Variants in BTC observed in about 807,000 individuals in gnomAD.
BTC encodes the protein betacellulin, also known as probetacellulin.
Under a neutral mutation model 18.1 loss-of-function variants are expected in BTC, and 13 were observed. The observed-to-expected ratio is 0.72, with a 90% confidence interval of 0.47 to 1.14. The LOEUF (loss-of-function observed/expected upper bound fraction) is 1.14, where lower values mean the gene tolerates loss of function less well. BTC is among the 50% of genes most tolerant of loss of function. BTC has a pLI of 0.00. For synonymous variants in BTC, 83 were observed against 79.4 expected, an observed-to-expected ratio of 1.05 and a Z score of -0.24; for missense variants, 247 against 224.2, an observed-to-expected ratio of 1.10 and a Z score of -0.65.
At chr4:74,766,431 C>T (rs1300546509) in intron 2 of BTC, among the ~76,000 whole-genome samples, 3 of 151,986 alleles carry the variant, frequency 2.0e-5, no homozygotes, top group Non-Finnish European at 4.4e-5. Context: ...ATTCTATAAG[C>T]TTTTTCTATT....
intron 3 of BTC, among the ~76,000 whole-genome samples, chr4:74,755,033 G>A (rs530743629): frequency 6.6e-5 from 10 of 150,832 alleles, no homozygotes; most frequent in East Asian, 3.9e-4. Flanking sequence ...TATTATCCAC[G>A]CATATTTCCT....
intron 1 of BTC, among the ~76,000 whole-genome samples, chr4:74,772,216 A>G (rs1197737714): frequency 1.3e-5 from 2 of 152,280 alleles, no homozygotes; most frequent in South Asian, 4.1e-4. Context: ...GTACTTTCTA[A>G]TATTTCTAAA....
chr4:74,776,303 C>A (rs1463086590), intron 1 of BTC, among the ~76,000 whole-genome samples: 1 of 152,062 alleles, frequency 6.6e-6, no homozygotes, highest in East Asian at 1.9e-4. Flanking sequence ...ATTATCCATA[C>A]CTCCCTGTTT....
chr4:74,759,594 T>C (rs1287219687), intron 2 of BTC, among the ~76,000 whole-genome samples: 1 of 151,742 alleles, frequency 6.6e-6, no homozygotes, highest in Non-Finnish European at 1.5e-5. Context: ...AAAATAAATG[T>C]CACTTTAATG....
chr4:74,778,398 T>C (rs1725233369), intron 1 of BTC, among the ~76,000 whole-genome samples: 1 of 152,048 alleles, frequency 6.6e-6, no homozygotes, highest in African/African-American at 2.4e-5. Context: ...ACCACTTTAT[T>C]TGAGAGTTAC....
intron 2 of BTC, among the ~76,000 whole-genome samples, chr4:74,760,502 G>T (rs1724723900): frequency 6.6e-6 from 1 of 152,108 alleles, no homozygotes; most frequent in East Asian, 1.9e-4. Context: ...TTTTTATCTT[G>T]CCAGCTATCT....
At chr4:74,790,752 G>C (rs1046107332) in intron 1 of BTC, among the ~76,000 whole-genome samples, 1 of 152,106 alleles carries the variant, frequency 6.6e-6, no homozygotes, top group Non-Finnish European at 1.5e-5. Flanking sequence ...TAAAGCACCT[G>C]GTCTGACCAA....
At position 74,748,071 on chromosome 4, in the gene BTC, A is replaced by T; in HGVS notation, c.507T>A (p.Asn169Lys). ...CAATATTTGTCTCTTCAATATCTTCATTGATAGGAGTTATATCTTTACCCA... is the reference window on the plus strand; with the variant it reads ...CAATATTTGTCTCTTCAATATCTTCTTTGATAGGAGTTATATCTTTACCCA... The part of the protein sequence containing the change: ...ETLGKDITPI[N>K]EDIEETNIA Residue 169 changes from asparagine (N) to lysine (K), a missense_variant, in exon 5 of 6, where the codon AAT becomes AAA. Coordinates refer to ENST00000395743, the MANE Select transcript of BTC (RefSeq NM_001729.4). 6.2e-7 allele frequency: 1 copy of T among 1,603,838 alleles called. No individual in the cohort carries two copies. The highest frequency in any genetic ancestry group is 8.5e-7 in the Non-Finnish European group (1 of 1,173,544).
At chr4:74,778,125 C>A (rs374349400) in intron 1 of BTC, among the ~76,000 whole-genome samples, 1 of 152,048 alleles carries the variant, frequency 6.6e-6, no homozygotes, top group Non-Finnish European at 1.5e-5. Flanking sequence ...AATGTTACAG[C>A]GTTCTCCTTT....
intron 2 of BTC, among the ~76,000 whole-genome samples, chr4:74,767,359 G>A (rs756444287): frequency 1.1e-4 from 17 of 151,790 alleles, no homozygotes; most frequent in Middle Eastern, 3.4e-3. Flanking sequence ...AATAAAACAC[G>A]TAGGAATAAA....
Position 74,769,388 on chromosome 4 carries a change from AAGTTT to A in BTC, c.163+665_163+669del, listed in dbSNP as rs1386492584. Among the ~76,000 whole-genome samples, 3 of 152,120 alleles carry A rather than the reference AAGTTT, an allele frequency of 2.0e-5. No homozygotes were observed. In the East Asian group the frequency reaches 5.8e-4, roughly 29 times the overall value. On this transcript the variant is annotated intron_variant, in intron 2 of 5. Transcript: ENST00000395743. ...GGCCCACAGCCTGTTTCTCTAACTA[AAGTTT>A]TACTGAAACAGAGCCAAGCCTATTC...
chr4:74,781,398 T>TGTGTGTGC, intron 1 of BTC, among the ~76,000 whole-genome samples: 1 of 151,786 alleles, frequency 6.6e-6, no homozygotes, highest in African/African-American at 2.4e-5. Flanking sequence ...TGTGTGTGTG[T>TGTGTGTGC]GTGTGTGTGT....
chr4:74,784,755 T>C (rs1057205219), intron 1 of BTC, among the ~76,000 whole-genome samples: 1 of 152,200 alleles, frequency 6.6e-6, no homozygotes, highest in African/African-American at 2.4e-5. Context: ...TGAACAAACC[T>C]TGCATCCCAG....
In BTC at chr4:74,744,890, T is replaced by C. The variant is rs548230889; in HGVS notation, c.*1787A>G. On this transcript the variant is annotated 3_prime_UTR_variant, in exon 6 of 6. Coordinates refer to ENST00000395743, the MANE Select transcript of BTC (RefSeq NM_001729.4). ...TATAAAAATCTTTGAAATTCTTTCT[T>C]GATATCAGATCTACCAAATTTCGAG... The C allele has an allele frequency of 6.6e-6, 1 of 152,354 alleles. No homozygotes were observed. The highest frequency in any genetic ancestry group is 2.1e-4 in the South Asian group (1 of 4,830). The allele number at this position is 152,354 out of a possible 1,614,324, so 9.4% of individuals were successfully genotyped here.
In BTC at chr4:74,749,690, TGTTG is replaced by T. The variant is rs1560708291; in HGVS notation, c.428+879_428+882del. Among the ~76,000 whole-genome samples, 399 of 93,142 alleles carry T rather than the reference TGTTG, an allele frequency of 4.3e-3. 7 individuals are homozygous for T. Among genetic ancestry groups the T allele is most frequent in the Middle Eastern group, 0.012 (2 of 166 alleles). The allele number at this position is 93,142 out of a possible 152,430, so 61.1% of individuals were successfully genotyped here. Reference sequence around the variant, plus strand: ...ACTTTAATAAGATAGTTTTTTTTGTTGTTGTTGTTGTTGTTGTTGTTTTTGGTAG... The same window carrying T: ...ACTTTAATAAGATAGTTTTTTTTGTTTTGTTGTTGTTGTTGTTTTTGGTAG... On this transcript the variant is annotated intron_variant, in intron 4 of 5. Transcript: ENST00000395743.
At chr4:74,790,568 G>A (rs1032241592) in intron 1 of BTC, among the ~76,000 whole-genome samples, 4 of 152,174 alleles carry the variant, frequency 2.6e-5, no homozygotes, top group Non-Finnish European at 5.9e-5. Flanking sequence ...CTATCAGGGA[G>A]ACTATGAAGC....
chr4:74,790,003 T>C (rs1328716189), intron 1 of BTC, among the ~76,000 whole-genome samples: 1 of 145,356 alleles, frequency 6.9e-6, no homozygotes, highest in Non-Finnish European at 1.5e-5. Flanking sequence ...AAAGTAGATA[T>C]GCATTTTACT....
At chr4:74,763,805 T>G (rs528819025) in intron 2 of BTC, among the ~76,000 whole-genome samples, 61 of 152,236 alleles carry the variant, frequency 4.0e-4, no homozygotes, top group African/African-American at 1.4e-3. Context: ...GTAACTATAA[T>G]TAACAATAAT....
At chr4:74,761,160 C>T (rs562060351) in intron 2 of BTC, among the ~76,000 whole-genome samples, 96 of 151,788 alleles carry the variant, frequency 6.3e-4, no homozygotes, top group African/African-American at 1.9e-3. Context: ...AATATTGAAG[C>T]ATGGGTATCT....
Sources: allele counts gnomAD v4.1 joint callset (sites outside exome capture counted in the v4.1 genomes callset), GRCh38; gene constraint gnomAD v4.1.1; transcripts MANE v1.5; gene names NCBI Gene and HGNC (gene_info 2026-07-23, HGNC 2026-07-21).